COL18A1: variants seen among roughly 807,000 people sequenced by gnomAD.
COL18A1 encodes collagen type XVIII alpha 1 chain, also known as collagen alpha-1(XVIII) chain.
A neutral mutation model predicts 168.0 loss-of-function variants in COL18A1; 133 were observed. The ratio of observed to expected loss-of-function variants is 0.79; its 90% CI spans 0.69 to 0.91. The LOEUF is 0.91. Among genes scored for constraint, COL18A1 ranks in the 40% least tolerant of loss-of-function variants. The pLI is 0.00. For synonymous variants in COL18A1, 949 were observed against 809.0 expected, an observed-to-expected ratio of 1.17 and a Z score of -2.94; for missense variants, 2,126 against 1,925.4, an observed-to-expected ratio of 1.10 and a Z score of -1.95.
chr21:45,458,784 GCCTGCACACCTGA>G (rs1048168115), intron 2 of COL18A1, among the ~76,000 whole-genome samples: 6 of 152,218 alleles, frequency 3.9e-5, no homozygotes, highest in Non-Finnish European at 8.8e-5. Flanking sequence ...GAAACGCCAG[GCCTGCACACCTGA>G]CCCTGCCCTA....
intron 23 of COL18A1, 27 bp downstream of exon 23, chr21:45,492,591 A>T: frequency 1.2e-6 from 2 of 1,612,600 alleles, no homozygotes; most frequent in Non-Finnish European, 1.7e-6. Context: ...CTTCTAAGAG[A>T]CGGGCCTGCG....
At chr21:45,480,431 C>T in intron 11 of COL18A1, 36 bp from the exon 12 acceptor site, 2 of 1,614,018 alleles carry the variant, frequency 1.2e-6, no homozygotes, top group Non-Finnish European at 1.7e-6. Context: ...GGGGGCCGAG[C>T]TCAGGGCAAC....
chr21:45,444,974 G>A (rs1187418465), intron 2 of COL18A1, among the ~76,000 whole-genome samples: 1 of 152,112 alleles, frequency 6.6e-6, no homozygotes, highest in African/African-American at 2.4e-5. Flanking sequence ...TGTTTTGAAT[G>A]GCTTTATTGA....
chr21:45,449,798 C>T (rs908588694), intron 2 of COL18A1, among the ~76,000 whole-genome samples: 5 of 152,206 alleles, frequency 3.3e-5, no homozygotes, highest in Non-Finnish European at 7.3e-5. Context: ...CTGGTCATGC[C>T]GCTGGCCGGG....
At chr21:45,424,232 T>G (rs1173767181) in intron 2 of COL18A1, 1 of 152,112 alleles carries the variant, frequency 6.6e-6, no homozygotes, top group Non-Finnish European at 1.5e-5. Context: ...TCACGGCAAT[T>G]CAGGAGCAAA....
chr21:45,507,654 G>A (rs2037301887), intron 38 of COL18A1, 61 bp downstream of exon 38: 2 of 1,500,158 alleles, frequency 1.3e-6, no homozygotes, highest in Admixed American at 3.5e-5. Context: ...GGTATGTGCT[G>A]TCCCCTGTTT....
intron 4 of COL18A1, among the ~76,000 whole-genome samples, 166 bp downstream of exon 4, chr21:45,474,147 GCCCTGAACTTT>G (rs2035546186): frequency 6.6e-6 from 1 of 152,164 alleles, no homozygotes; most frequent in South Asian, 2.1e-4. Context: ...GCCCTTCCTT[GCCCTGAACTTT>G]CCCATAAAAA....
At position 45,464,487 on chromosome 21, in the gene COL18A1, G is replaced by C. The variant is rs2035138194; in HGVS notation, c.107-3755G>C. Among the ~76,000 whole-genome samples the C allele has an allele frequency of 2.0e-5, 3 of 152,164 alleles. No individual in the cohort carries two copies. In the South Asian group the frequency reaches 6.2e-4, roughly 32 times the overall value. ...TCCCCCCATGGGTTTGTGCCAATTT[G>C]CATATAGGTATGTAGCTTCCTATTG... On this transcript the variant is annotated intron_variant, in intron 2 of 41. Transcript: ENST00000651438.
chr21:45,499,307 G>A (rs187859462), intron 32 of COL18A1, among the ~76,000 whole-genome samples: 132 of 152,286 alleles, frequency 8.7e-4, no homozygotes, highest in Middle Eastern at 3.4e-3. Flanking sequence ...GGAAAGGAGT[G>A]CAGAGATGGG....
chr21:45,473,455 C>T lies in COL18A1; in HGVS notation c.652-440C>T, dbSNP rs945864483. On this transcript the variant is annotated intron_variant, in intron 3 of 41. Transcript: ENST00000651438. This position sits in a 1 kb window ranked among gnomAD's most constrained non-coding sequence, Gnocchi z 4.0. ...TTCAAAGAAAGCAAAGCCATGGTGC[C>T]ACCTCGGTTGGTCCGAGTCGGGAGA... Among the ~76,000 whole-genome samples the T allele has an allele frequency of 3.9e-5, 6 of 152,198 alleles. No individual in the cohort carries two copies. The highest frequency in any genetic ancestry group is 1.4e-4 in the African/African-American group (6 of 41,450).
intron 2 of COL18A1, among the ~76,000 whole-genome samples, chr21:45,410,602 G>T (rs1049247458): frequency 6.6e-6 from 1 of 152,262 alleles, no homozygotes; most frequent in Admixed American, 6.5e-5. Flanking sequence ...CCATGCTTTT[G>T]TATTTCCCCA....
In COL18A1 at chr21:45,476,476, A is replaced by T; in HGVS notation, c.924A>T (p.Leu308Phe). ...EVEEQTTVAS[L>F]GAQTLPGSDS... ...AGGAGCAGACCACGGTGGCTTCGTT[A>T]GGAGGTAAGCTCTTTTCTGGATGTG... is the stretch of plus-strand genomic sequence containing the variant. Residue 308 changes from leucine (L) to phenylalanine (F), a missense_variant, in exon 6 of 42, where the codon TTA (leucine) becomes TTT (phenylalanine). Physicochemically the swap from Leu to Phe is conservative, Grantham distance 22. Transcript: ENST00000651438. 6.2e-7 allele frequency: 1 copy of T among 1,604,856 alleles called. No homozygotes were observed. Among genetic ancestry groups the T allele is most frequent in the Non-Finnish European group, 8.5e-7 (1 of 1,175,552 alleles).
intron 2 of COL18A1, among the ~76,000 whole-genome samples, chr21:45,439,023 C>A (rs2034295862): frequency 6.6e-6 from 1 of 152,230 alleles, no homozygotes; most frequent in African/African-American, 2.4e-5. Flanking sequence ...CCGTTCCCAG[C>A]GCAAAGAAAG....
At chr21:45,503,048 T>C (rs2036948002) in intron 32 of COL18A1, 1 of 152,198 alleles carries the variant, frequency 6.6e-6, no homozygotes, top group Non-Finnish European at 1.5e-5. Context: ...CATGTGTCTT[T>C]ATAGCAGCAT....
At chr21:45,437,320 GCACA>G (rs754264326) in intron 2 of COL18A1, among the ~76,000 whole-genome samples, 30 of 66,988 alleles carry the variant, frequency 4.5e-4, no homozygotes, top group South Asian at 2.4e-3. Context: ...GCACTCTCCT[GCACA>G]CACACACACT....
At chr21:45,484,717 A>T (rs570654144) in intron 15 of COL18A1, among the ~76,000 whole-genome samples, 1 of 152,198 alleles carries the variant, frequency 6.6e-6, no homozygotes, top group East Asian at 1.9e-4. Flanking sequence ...ACATGCACAC[A>T]CATCTCTCTA....
At chr21:45,453,090 A>C (rs994581024) in intron 2 of COL18A1, among the ~76,000 whole-genome samples, 1 of 151,968 alleles carries the variant, frequency 6.6e-6, no homozygotes, top group African/African-American at 2.4e-5. Context: ...GTGAGCATTC[A>C]TGTATGACAT....
intron 2 of COL18A1, among the ~76,000 whole-genome samples, chr21:45,432,380 GC>G (rs377647937): frequency 2.6e-5 from 4 of 152,346 alleles, no homozygotes; most frequent in African/African-American, 9.6e-5. Flanking sequence ...TCCATTGATT[GC>G]CTCCAGGTTT....
chr21:45,504,159 T>C (rs888048340), intron 33 of COL18A1, 105 bp downstream of exon 33: 1 of 1,349,456 alleles, frequency 7.4e-7, no homozygotes, highest in African/African-American at 1.4e-5. Flanking sequence ...CCCTTCCTGT[T>C]CAGCCCTGCG....
Sources: gnomAD v4.1 joint callset for allele counts (sites outside exome capture counted in the v4.1 genomes callset) on GRCh38, gnomAD v4.1.1 for gene constraint, Gnocchi (gnomAD v3.1) non-coding constraint, MANE v1.5 for transcripts, NCBI Gene and HGNC (gene_info 2026-07-23, HGNC 2026-07-21) for gene names.